Variants in ATP8A1 observed in about 807,000 individuals in gnomAD.
The protein encoded by ATP8A1 is ATPase phospholipid transporting 8A1, also known as phospholipid-transporting ATPase IA.
A neutral mutation model predicts 177.7 loss-of-function variants in ATP8A1; 90 were observed. The observed-to-expected ratio is 0.51, with a 90% CI of 0.43 to 0.60. The LOEUF (loss-of-function observed/expected upper bound fraction) is 0.60, where lower values mean the gene tolerates loss of function less well. Ranked by LOEUF, ATP8A1 falls within the 20% of genes least tolerant of loss-of-function variation. The pLI, the probability that ATP8A1 is intolerant of heterozygous loss-of-function variation, is 0.00. For missense variants in ATP8A1, 1,072 were observed against 1,392.8 expected (o/e 0.77, Z 3.67); for synonymous variants, 493 against 485.9 (o/e 1.01, Z -0.19).
intron 1 of ATP8A1, among the ~76,000 whole-genome samples, chr4:42,656,177 G>A (rs1478096193): frequency 6.6e-6 from 1 of 152,210 alleles, no homozygotes; most frequent in Non-Finnish European, 1.5e-5. Context: ...GCCCCAGGTG[G>A]AGCAAAGAAA....
chr4:42,593,864 A>G (rs1387272177), intron 6 of ATP8A1, among the ~76,000 whole-genome samples: 2 of 152,090 alleles, frequency 1.3e-5, no homozygotes, highest in Non-Finnish European at 2.9e-5. Flanking sequence ...AATGGCAAAA[A>G]GAATCATTCA....
chr4:42,483,262 T>G lies in ATP8A1; in HGVS notation c.2324+2234A>C, dbSNP rs144417238. On this transcript the variant is annotated intron_variant, in intron 25 of 36. Transcript: ENST00000381668. ...AATCCGGCAGTGGCACTGATGTAAT[T>G]ATGGGCTTAGACCAATTCTCAAACA... 5.8e-3 allele frequency among the ~76,000 whole-genome samples: 888 copies of G among 151,808 alleles called. 8 individuals carry two copies. The highest frequency in any genetic ancestry group is 0.02 in the African/African-American group (834 of 41,364).
chr4:42,498,635 TC>T lies in ATP8A1; in HGVS notation c.2151+4814del, dbSNP rs1303939410. ...AGTAATTTAAGAGTAGAATGGCTGT[TC>T]AAAGTCATCTGTTACATCGGACAGC... On this transcript the variant is annotated intron_variant, in intron 24 of 36. Coordinates refer to ENST00000381668, the MANE Select transcript of ATP8A1 (RefSeq NM_006095.2). 2.6e-5 allele frequency among the ~76,000 whole-genome samples: 4 copies of T among 152,104 alleles called. No individual in the cohort carries two copies. The East Asian group carries it at 7.7e-4, about 29-fold the overall frequency.
Position 42,412,824 on chromosome 4 carries a change from T to C in ATP8A1, c.*92A>G, listed in dbSNP as rs183887626. ...AGCTCAGATCTACCTTTCCTCTTCA[T>C]GGACCAGACTGGAATTGGTTAGCAG... On this transcript the variant is annotated 3_prime_UTR_variant, in exon 37 of 37. Transcript: ENST00000381668. The C allele has an allele frequency of 2.1e-4, 211 of 1,027,410 alleles. No individual in the cohort carries two copies. Among genetic ancestry groups the C allele is most frequent in the Middle Eastern group, 2.1e-4 (1 of 4,758 alleles). The allele number at this position is 1,027,410 out of a possible 1,614,324, so 63.6% of individuals were successfully genotyped here.
intron 22 of ATP8A1, among the ~76,000 whole-genome samples, chr4:42,509,730 T>C (rs1724801243): frequency 1.3e-5 from 2 of 151,508 alleles, no homozygotes; most frequent in African/African-American, 4.9e-5. Flanking sequence ...CAGGCACCTG[T>C]AGTCCCAGCT....
At chr4:42,602,592 T>C (rs565403566) in intron 5 of ATP8A1, among the ~76,000 whole-genome samples, 3 of 152,080 alleles carry the variant, frequency 2.0e-5, no homozygotes, top group African/African-American at 4.8e-5. Flanking sequence ...GGTGAAACCC[T>C]GTCTCTACTA....
At chr4:42,498,043 A>G (rs1723460405) in intron 24 of ATP8A1, among the ~76,000 whole-genome samples, 1 of 152,260 alleles carries the variant, frequency 6.6e-6, no homozygotes, top group African/African-American at 2.4e-5. Flanking sequence ...GAAAATTCAC[A>G]GTACTGAAGC....
chr4:42,465,150 A>G (rs1719600964), intron 25 of ATP8A1, 74 bp from the exon 26 acceptor site: 3 of 1,262,228 alleles, frequency 2.4e-6, no homozygotes, highest in Admixed American at 4.5e-5. Context: ...GTTGAAGGAT[A>G]AAAGATGCAA....
At chr4:42,518,406 T>C (rs1176700783) in intron 22 of ATP8A1, among the ~76,000 whole-genome samples, 1 of 152,168 alleles carries the variant, frequency 6.6e-6, no homozygotes. Flanking sequence ...CACATACAAA[T>C]GTAATACATG....
Position 42,578,402 on chromosome 4 carries a change from A to T in ATP8A1, c.1001-15T>A, listed in dbSNP as rs922191917. On this transcript the variant is annotated splice_polypyrimidine_tract_variant and intron_variant, in intron 11 of 36. Coordinates refer to ENST00000381668, the MANE Select transcript of ATP8A1 (RefSeq NM_006095.2). Reference sequence around the variant, plus strand: ...AGCGCCACCATCTGTTGGGAGAGGCAGGAAGAACGTCATTTACAGTTTTAT... The same window carrying T: ...AGCGCCACCATCTGTTGGGAGAGGCTGGAAGAACGTCATTTACAGTTTTAT... The T allele has an allele frequency of 6.9e-6, 11 of 1,605,074 alleles. No homozygotes were observed. Among genetic ancestry groups the T allele is most frequent in the Non-Finnish European group, 9.3e-6 (11 of 1,177,034 alleles).
chr4:42,419,944 A>G (rs1303667749), intron 35 of ATP8A1, among the ~76,000 whole-genome samples: 2 of 152,092 alleles, frequency 1.3e-5, no homozygotes, highest in Non-Finnish European at 2.9e-5. Flanking sequence ...CAGAGGTTGC[A>G]GTGAGCCGAG....
chr4:42,530,916 C>A (rs1373819845), intron 20 of ATP8A1, among the ~76,000 whole-genome samples: 1 of 152,178 alleles, frequency 6.6e-6, no homozygotes, highest in Non-Finnish European at 1.5e-5. Context: ...GTTCCTGCGA[C>A]ATTATGTTCT....
At chr4:42,600,400 T>C in intron 6 of ATP8A1, 78 bp downstream of exon 6, 1 of 1,170,608 alleles carries the variant, frequency 8.5e-7, no homozygotes, top group East Asian at 2.8e-5. Context: ...TTTGCTCATA[T>C]TATACAAAAA....
chr4:42,580,925 T>C lies in ATP8A1; in HGVS notation c.834+696A>G, dbSNP rs529104210. Among the ~76,000 whole-genome samples the C allele has an allele frequency of 2.0e-5, 3 of 152,310 alleles. No homozygotes were observed. In the South Asian group the frequency reaches 6.2e-4, roughly 32 times the overall value. On this transcript the variant is annotated intron_variant, in intron 10 of 36. Transcript: ENST00000381668. Reference sequence around the variant, plus strand: ...TGATTCAAATTTCTAAAAAATTTTATTAAAAGATAGAAATTTAAAAAGTTG... The same window carrying C: ...TGATTCAAATTTCTAAAAAATTTTACTAAAAGATAGAAATTTAAAAAGTTG...
At chr4:42,606,155 T>G (rs1296373825) in intron 5 of ATP8A1, among the ~76,000 whole-genome samples, 3 of 152,232 alleles carry the variant, frequency 2.0e-5, no homozygotes, top group African/African-American at 7.2e-5. Context: ...GGCACAGATG[T>G]GTCAATTACA....
chr4:42,617,198 G>A (rs1451115386), intron 4 of ATP8A1, among the ~76,000 whole-genome samples: 1 of 152,176 alleles, frequency 6.6e-6, no homozygotes, highest in Admixed American at 6.6e-5. Flanking sequence ...CAACACCCAA[G>A]AGGAATAGAT....
chr4:42,621,397 T>C (rs1199191820), intron 4 of ATP8A1, among the ~76,000 whole-genome samples: 1 of 152,250 alleles, frequency 6.6e-6, no homozygotes, highest in Non-Finnish European at 1.5e-5. Context: ...TGGAGCGTTC[T>C]AAATTTCTCA....
chr4:42,540,365 GTA>G (rs1025633052), intron 20 of ATP8A1, among the ~76,000 whole-genome samples: 22 of 152,126 alleles, frequency 1.4e-4, no homozygotes, highest in African/African-American at 5.3e-4. Context: ...ATGGAAAATA[GTA>G]TAGAGAGTTC....
intron 20 of ATP8A1, among the ~76,000 whole-genome samples, chr4:42,527,693 T>A (rs918762258): frequency 6.6e-6 from 1 of 152,184 alleles, no homozygotes; most frequent in Non-Finnish European, 1.5e-5. Context: ...GGAGATGCAC[T>A]ACACTCAAAA....
Sources: allele counts gnomAD v4.1 joint callset (sites outside exome capture counted in the v4.1 genomes callset), GRCh38; gene constraint gnomAD v4.1.1; transcripts MANE v1.5; gene names NCBI Gene and HGNC (gene_info 2026-07-23, HGNC 2026-07-21).